Variants in IHO1 observed in about 807,000 individuals in gnomAD.
The protein encoded by IHO1 is interactor of HORMAD1 1.
IHO1 carries 13 observed loss-of-function variants against 31.0 expected under a neutral mutation model. The ratio of observed to expected loss-of-function variants is 0.42; its 90% CI spans 0.27 to 0.67. The LOEUF is 0.67. Among genes scored for constraint, IHO1 ranks in the 30% least tolerant of loss-of-function variants. The pLI is 0.24. For missense variants in IHO1, 599 were observed against 687.5 expected (o/e 0.87, Z 1.44); for synonymous variants, 221 against 248.4 (o/e 0.89, Z 1.04).
intron 4 of IHO1, among the ~76,000 whole-genome samples, chr3:49,243,447 T>C (rs2046654953): frequency 1.3e-5 from 2 of 151,676 alleles, no homozygotes; most frequent in African/African-American, 2.4e-5. Flanking sequence ...GCCCAGCCCA[T>C]GTGTGAGTCT....
At chr3:49,241,496 A>G in intron 4 of IHO1, 107 bp downstream of exon 4, 1 of 996,540 alleles carries the variant, frequency 1.0e-6, no homozygotes, top group Non-Finnish European at 1.5e-6. Flanking sequence ...AGCATGTATT[A>G]GAGTTCTCCA....
chr3:49,203,380 G>C (rs544686087), intron 1 of IHO1, among the ~76,000 whole-genome samples: 86 of 152,192 alleles, frequency 5.7e-4, no homozygotes, highest in Non-Finnish European at 1.0e-3. Flanking sequence ...GGAGATTACA[G>C]ATGCCCCTGT....
intron 3 of IHO1, among the ~76,000 whole-genome samples, chr3:49,240,323 A>G (rs1463036010): frequency 1.3e-5 from 2 of 152,180 alleles, no homozygotes; most frequent in Admixed American, 6.5e-5. Context: ...TTCTGTGTTA[A>G]AGCAATTCTC....
chr3:49,192,741 C>A, the IHO1 span, among the ~76,000 whole-genome samples: 2 of 152,022 alleles, frequency 1.3e-5, no homozygotes, highest in Non-Finnish European at 2.9e-5. Context: ...ACAAAAAATA[C>A]AAAAATCAGC....
rs778754142 is a variant in IHO1 at position 49,255,395 on chromosome 3, G to C, written c.538G>C (p.Glu180Gln). ...SLETVAKTLQETIQAQNDLVF... is the reference protein window; with the variant it reads ...SLETVAKTLQQTIQAQNDLVF... ...TGTCACTGTTTTGTATTTAGTACAA[G>C]AGACTATACAGGCCCAGAATGACCT... The change falls in exon 7 of 8, where the codon GAG becomes CAG. Residue 180 changes from glutamate to glutamine, a missense_variant. Physicochemically the swap from Glu to Gln is conservative, Grantham distance 29. Transcript: ENST00000452691. The C allele has an allele frequency of 1.4e-5, 23 of 1,595,528 alleles. No homozygotes were observed. Among genetic ancestry groups the C allele is most frequent in the Non-Finnish European group, 2.0e-5 (23 of 1,174,352 alleles).
intron 2 of IHO1, among the ~76,000 whole-genome samples, chr3:49,213,352 C>G (rs906187787): frequency 6.6e-6 from 1 of 152,208 alleles, no homozygotes; most frequent in Non-Finnish European, 1.5e-5. Context: ...ATACAGAGTG[C>G]TGATTGGTGC....
chr3:49,253,123 T>A (rs1462277884), intron 6 of IHO1, among the ~76,000 whole-genome samples: 2 of 151,046 alleles, frequency 1.3e-5, no homozygotes, highest in Non-Finnish European at 3.0e-5. Context: ...CAATAAACTT[T>A]CAGATAAAGG....
intron 2 of IHO1, chr3:49,228,182 T>A (rs1575576679): frequency 3.4e-6 from 1 of 294,212 alleles, no homozygotes; most frequent in East Asian, 9.9e-5. Flanking sequence ...GTGACATGAC[T>A]TTGAGAGTTC....
At chr3:49,213,870 C>A in intron 2 of IHO1, 2 of 264,854 alleles carry the variant, frequency 7.6e-6, no homozygotes, top group Non-Finnish European at 1.7e-5. Context: ...CCTCGGCTAG[C>A]CCAGAGAGGG....
chr3:49,244,721 G>A lies in IHO1; in HGVS notation c.520G>A (p.Val174Met), dbSNP rs1244734182. ...SQSILDSLET[V>M]AKTLQETIQA... Reference sequence around the variant, plus strand: ...ATCTATTTTGGATTCTTTGGAGACTGTGGCCAAGACATGTGAGTGCCTCAT... The same window carrying A: ...ATCTATTTTGGATTCTTTGGAGACTATGGCCAAGACATGTGAGTGCCTCAT... Residue 174 changes from valine to methionine, a missense_variant, in exon 6 of 8, where the codon GTG becomes ATG. By Grantham distance (21) the Val-to-Met change is conservative (BLOSUM62 1). Transcript: ENST00000452691. 6 of 1,613,964 alleles carry A rather than the reference G, an allele frequency of 3.7e-6. No individual in the cohort carries two copies. The African/African-American group carries it at 8.0e-5, about 22-fold the overall frequency.
intron 1 of IHO1, among the ~76,000 whole-genome samples, chr3:49,210,872 A>AT (rs2046203112): frequency 6.7e-6 from 1 of 149,226 alleles, no homozygotes; most frequent in Non-Finnish European, 1.5e-5. Context: ...TAATTTTTGT[A>AT]TTTTTAGTAG....
At position 49,225,823 on chromosome 3, in the gene IHO1, G is replaced by A. The variant is rs547944138; in HGVS notation, c.57-10725G>A. On this transcript the variant is annotated intron_variant, in intron 2 of 7. Transcript: ENST00000452691. ...ACAGGAGATTAACACTGAGAAGGCC[G>A]TGCCGGTGTTCAGGAGGAAGTCAAT... 5.9e-5 allele frequency among the ~76,000 whole-genome samples: 9 copies of A among 152,128 alleles called. No individual in the cohort carries two copies. In the East Asian group the frequency reaches 7.7e-4, roughly 13 times the overall value.
At chr3:49,208,256 G>T (rs912273737) in intron 1 of IHO1, among the ~76,000 whole-genome samples, 1 of 152,172 alleles carries the variant, frequency 6.6e-6, no homozygotes, top group African/African-American at 2.4e-5. Context: ...CCAACACCCA[G>T]GCCCCGGACC....
intron 2 of IHO1, among the ~76,000 whole-genome samples, chr3:49,223,462 C>T (rs992819647): frequency 7.9e-5 from 12 of 152,038 alleles, no homozygotes; most frequent in Admixed American, 3.3e-4. Flanking sequence ...GAGACCGAGG[C>T]GGGCGGATCA....
intron 2 of IHO1, among the ~76,000 whole-genome samples, 192 bp downstream of exon 2, chr3:49,212,028 G>A (rs2046224277): frequency 6.6e-6 from 1 of 152,064 alleles, no homozygotes; most frequent in African/African-American, 2.4e-5. Context: ...GCCGGGCATG[G>A]TGGCGGGTGC....
At chr3:49,238,972 T>C (rs1008711041) in intron 3 of IHO1, among the ~76,000 whole-genome samples, 2 of 152,180 alleles carry the variant, frequency 1.3e-5, no homozygotes, top group African/African-American at 2.4e-5. Flanking sequence ...TTGCTAGGTC[T>C]TGGAGTGAGT....
intron 2 of IHO1, among the ~76,000 whole-genome samples, chr3:49,224,074 A>G (rs746596886): frequency 2.4e-4 from 37 of 152,308 alleles, no homozygotes; most frequent in Middle Eastern, 3.4e-3. Flanking sequence ...CAATACCCAT[A>G]TGAAAAGTTT....
intron 1 of IHO1, among the ~76,000 whole-genome samples, chr3:49,204,575 T>C (rs1158807260): frequency 1.3e-5 from 2 of 152,052 alleles, no homozygotes; most frequent in Non-Finnish European, 2.9e-5. Context: ...TCTGAGAGCT[T>C]ATGGAGGAAA....
chr3:49,195,877 G>T (rs569817423), upstream of IHO1, among the ~76,000 whole-genome samples: 9 of 150,828 alleles, frequency 6.0e-5, no homozygotes, highest in East Asian at 1.8e-3. Flanking sequence ...CAAGGTGGGC[G>T]GATCACGAGG....
Sources: allele counts gnomAD v4.1 joint callset (sites outside exome capture counted in the v4.1 genomes callset), GRCh38; gene constraint gnomAD v4.1.1; transcripts MANE v1.5; gene names NCBI Gene and HGNC (gene_info 2026-07-23, HGNC 2026-07-21).